Variants in MTFR1 observed in about 807,000 individuals in gnomAD.
MTFR1 encodes mitochondrial fission regulator 1.
A neutral mutation model predicts 38.8 loss-of-function variants in MTFR1; 28 were observed. The ratio of observed to expected loss-of-function variants is 0.72; its 90% CI spans 0.53 to 0.99. The LOEUF (loss-of-function observed/expected upper bound fraction) is 0.99. Among genes scored for constraint, MTFR1 ranks in the 50% least tolerant of loss-of-function variants. MTFR1 has a pLI of 0.00. For synonymous variants in MTFR1, 145 were observed against 137.0 expected (o/e 1.06, Z -0.41); for missense variants, 358 against 395.5 (o/e 0.91, Z 0.81).
At chr8:65,742,993 G>A (rs1258626145) in intron 3 of MTFR1, among the ~76,000 whole-genome samples, 1 of 152,210 alleles carries the variant, frequency 6.6e-6, no homozygotes, top group African/African-American at 2.4e-5. Flanking sequence ...GCACTGCTGA[G>A]CTCACGCCGC....
chr8:65,748,163 T>C (rs1807773486), intron 3 of MTFR1, among the ~76,000 whole-genome samples: 1 of 151,818 alleles, frequency 6.6e-6, no homozygotes, highest in Non-Finnish European at 1.5e-5. Context: ...CACATAAACA[T>C]GGAGCAGAAA....
intron 3 of MTFR1, among the ~76,000 whole-genome samples, chr8:65,720,122 C>T (rs977726236): frequency 2.0e-5 from 3 of 152,158 alleles, no homozygotes; most frequent in African/African-American, 7.2e-5. Context: ...ATTTTATAAA[C>T]AATTCATATA....
intron 4 of MTFR1, among the ~76,000 whole-genome samples, chr8:65,701,493 TGTATCCA>T (rs1247448783): frequency 6.6e-6 from 1 of 152,232 alleles, no homozygotes; most frequent in Non-Finnish European, 1.5e-5. Context: ...AATTTCTAGT[TGTATCCA>T]GTTCTTCTGT....
rs1395207768 is a variant in MTFR1, at chr8:65,710,468, T to A, written c.*1424T>A. 1 of 152,722 alleles carries A rather than the reference T, an allele frequency of 6.5e-6. No individual in the cohort carries two copies. Among genetic ancestry groups the A allele is most frequent in the African/African-American group, 2.4e-5 (1 of 41,570 alleles). The allele number at this position is 152,722 out of a possible 1,614,324, so 9.5% of individuals were successfully genotyped here. ...AACGTATTTTGACCTAAAAGAAACA[T>A]ATTTTTGTATCAGTATTGAATTTTG... On this transcript the variant is annotated 3_prime_UTR_variant, in exon 8 of 8. Coordinates refer to ENST00000262146, the MANE Select transcript of MTFR1 (RefSeq NM_014637.4).
intron 1 of MTFR1, among the ~76,000 whole-genome samples, chr8:65,646,596 G>C (rs115279038): frequency 0.022 from 3,332 of 152,244 alleles, 125 homozygotes; most frequent in African/African-American, 0.075. Flanking sequence ...TTTATTCTTG[G>C]CCAGATGCAT....
intron 4 of MTFR1, among the ~76,000 whole-genome samples, chr8:65,703,751 T>G (rs1196751170): frequency 6.6e-6 from 1 of 152,086 alleles, no homozygotes; most frequent in African/African-American, 2.4e-5. Flanking sequence ...TTATTTTTGT[T>G]TTTGTATTTG....
exon 4 of MTFR1, chr8:65,771,059 C>G (rs1471028194): frequency 2.7e-6 from 1 of 374,030 alleles, no homozygotes. Flanking sequence ...ACAATCCAAA[C>G]CACAATAATT....
At chr8:65,751,161 G>GT (rs1424332119) in intron 3 of MTFR1, among the ~76,000 whole-genome samples, 2 of 152,120 alleles carry the variant, frequency 1.3e-5, no homozygotes, top group Non-Finnish European at 2.9e-5. Context: ...AAGCCTACAC[G>GT]TAACAAGATT....
At position 65,739,882 on chromosome 8, in the gene MTFR1, G is replaced by T. The variant is rs115606336; in HGVS notation, c.*48+20401G>T. 4.8e-3 allele frequency among the ~76,000 whole-genome samples: 738 copies of T among 152,184 alleles called. 3 individuals are homozygous for T. The highest frequency in any genetic ancestry group is 0.017 in the African/African-American group (696 of 41,514). On this transcript the variant is annotated intron_variant, in intron 3 of 3. Coordinates refer to the MTFR1 transcript ENST00000521247. ...TTTTTTAAAGACACCAAAATAATGA[G>T]AATAGACAATAGAAAACTTTAAAAA...
intron 3 of MTFR1, among the ~76,000 whole-genome samples, chr8:65,762,861 G>A (rs1057432991): frequency 1.3e-5 from 2 of 152,102 alleles, no homozygotes; most frequent in African/African-American, 2.4e-5. Context: ...TATTGGCCAA[G>A]TATGGTGGCT....
intron 4 of MTFR1, among the ~76,000 whole-genome samples, chr8:65,700,260 A>C (rs1805570887): frequency 6.7e-6 from 1 of 149,488 alleles, no homozygotes; most frequent in South Asian, 2.2e-4. Flanking sequence ...CTGAGGTGGT[A>C]GGATTGCTTG....
intron 1 of MTFR1, among the ~76,000 whole-genome samples, chr8:65,664,036 G>A (rs927727361): frequency 5.3e-5 from 8 of 151,902 alleles, no homozygotes; most frequent in Non-Finnish European, 7.4e-5. Flanking sequence ...GGCTGGTCTC[G>A]AACTCCTGAC....
intron 5 of MTFR1, among the ~76,000 whole-genome samples, chr8:65,706,538 A>C (rs1805786322): frequency 1.3e-5 from 2 of 152,202 alleles, no homozygotes; most frequent in Admixed American, 1.3e-4. Context: ...TACAGGTGTG[A>C]GCCACTGAGC....
chr8:65,773,013 A>G (rs561910908), downstream of MTFR1, among the ~76,000 whole-genome samples: 1 of 152,302 alleles, frequency 6.6e-6, no homozygotes, highest in South Asian at 2.1e-4. Context: ...GTCTCAAAAA[A>G]AAAAATTAAG....
intron 1 of MTFR1, among the ~76,000 whole-genome samples, chr8:65,656,127 C>T (rs939696942): frequency 6.0e-5 from 9 of 149,958 alleles, no homozygotes; most frequent in Admixed American, 2.0e-4. Context: ...ACCCAGGAGG[C>T]AGAGGTTGCA....
At chr8:65,657,495 G>A (rs1479333171) in intron 1 of MTFR1, among the ~76,000 whole-genome samples, 1 of 151,934 alleles carries the variant, frequency 6.6e-6, no homozygotes, top group African/African-American at 2.4e-5. Context: ...CTGAGCTCAG[G>A]AGTTTGAGGC....
chr8:65,657,490 C>T (rs1351207204), intron 1 of MTFR1, among the ~76,000 whole-genome samples: 1 of 151,878 alleles, frequency 6.6e-6, no homozygotes, highest in Non-Finnish European at 1.5e-5. Context: ...ATTGCCTGAG[C>T]TCAGGAGTTT....
chr8:65,695,291 T>C (rs1805402920), intron 4 of MTFR1, among the ~76,000 whole-genome samples: 1 of 152,200 alleles, frequency 6.6e-6, no homozygotes, highest in Non-Finnish European at 1.5e-5. Flanking sequence ...AGTCAGAGTC[T>C]AGTTATCCTA....
At chr8:65,732,315 G>A (rs1482510420) in intron 3 of MTFR1, among the ~76,000 whole-genome samples, 1 of 151,728 alleles carries the variant, frequency 6.6e-6, no homozygotes, top group Admixed American at 6.6e-5. Flanking sequence ...ATATTATTTT[G>A]ATCAAAATTC....
Sources: gnomAD v4.1 joint callset for allele counts (sites outside exome capture counted in the v4.1 genomes callset) on GRCh38, gnomAD v4.1.1 for gene constraint, MANE v1.5 for transcripts, NCBI Gene and HGNC (gene_info 2026-07-23, HGNC 2026-07-21) for gene names.